Variants in GCNT2 observed in about 807,000 individuals in gnomAD.
The protein encoded by GCNT2 is glucosaminyl (N-acetyl) transferase 2 (I blood group).
In GCNT2, 34 loss-of-function variants were observed where a neutral mutation model predicts 34.2. The ratio of observed to expected loss-of-function variants is 1.00; its 90% CI spans 0.76 to 1.32. The LOEUF is 1.32. Among genes scored for constraint, GCNT2 ranks in the 40% most tolerant of loss-of-function variants. The probability of loss-of-function intolerance (pLI) is 0.00; values close to 1 mark genes in which losing one functional copy is unlikely to be tolerated. For synonymous variants in GCNT2, 212 were observed against 188.0 expected (o/e 1.13, Z -1.04); for missense variants, 584 against 489.4 (o/e 1.19, Z -1.82).
intron 3 of GCNT2, among the ~76,000 whole-genome samples, chr6:10,533,759 C>T (rs12386520): frequency 0.08 from 10,908 of 136,824 alleles, 454 homozygotes; most frequent in Middle Eastern, 0.14. Context: ...TGAGATCATG[C>T]CACTGTACTC....
At chr6:10,605,780 T>A (rs1366570000) in intron 3 of GCNT2, among the ~76,000 whole-genome samples, 1 of 152,040 alleles carries the variant, frequency 6.6e-6, no homozygotes, top group Non-Finnish European at 1.5e-5. Flanking sequence ...GAAAAAAAAA[T>A]CAGTTAAGAT....
chr6:10,538,437 A>AAAT lies in GCNT2; in HGVS notation c.925+8602_925+8603insATA, dbSNP rs1554127249. 2.5e-3 allele frequency among the ~76,000 whole-genome samples: 184 copies of AAAT among 73,288 alleles called. 1 individual carries two copies. The highest frequency in any genetic ancestry group is 3.4e-3 in the Non-Finnish European group (156 of 45,950). The allele number at this position is 73,288 out of a possible 152,430, so 48.1% of individuals were successfully genotyped here. A position where few individuals can be genotyped will look rare whatever the true frequency, so the allele number is the denominator to read the frequency against. On this transcript the variant is annotated intron_variant, in intron 3 of 4. Transcript: ENST00000495262. ...AAAAAAAAAAAAAAAAAAAAAAAAA[A>AAAT]ATATATATATATATATATATGTTGA...
In GCNT2 at chr6:10,626,638, A is replaced by G; in HGVS notation, c.*31A>G. On this transcript the variant is annotated 3_prime_UTR_variant, in exon 5 of 5. Coordinates refer to ENST00000495262, the MANE Select transcript of GCNT2 (RefSeq NM_145649.5). ...TCATGAGCTACTCATGACTGAAGGG[A>G]AACTGCAGCTGGGAAGAGGAGCCTG... 6.5e-7 allele frequency: 1 copy of G among 1,542,346 alleles called. No individual in the cohort carries two copies. The highest frequency in any genetic ancestry group is 1.7e-5 in the Admixed American group (1 of 59,924).
At chr6:10,588,185 A>G (rs951980470) in intron 3 of GCNT2, among the ~76,000 whole-genome samples, 6 of 152,278 alleles carry the variant, frequency 3.9e-5, no homozygotes, top group Middle Eastern at 3.4e-3. Flanking sequence ...CTCATGCGCA[A>G]TTTATTTTCA....
intron 4 of GCNT2, among the ~76,000 whole-genome samples, chr6:10,625,439 T>A (rs980100117): frequency 1.3e-5 from 2 of 152,014 alleles, no homozygotes; most frequent in Non-Finnish European, 2.9e-5. Context: ...TGCAACTTCC[T>A]ACCATTCTTG....
intron 3 of GCNT2, among the ~76,000 whole-genome samples, chr6:10,570,352 G>A (rs778662969): frequency 6.6e-6 from 1 of 152,214 alleles, no homozygotes; most frequent in African/African-American, 2.4e-5. Context: ...GGATGGATGG[G>A]AGTTGGGCTT....
At chr6:10,606,042 C>T (rs1765298175) in intron 3 of GCNT2, among the ~76,000 whole-genome samples, 1 of 152,172 alleles carries the variant, frequency 6.6e-6, no homozygotes, top group Admixed American at 6.6e-5. Context: ...TGGCCAGGTG[C>T]GGTGGCTCAC....
intron 3 of GCNT2, among the ~76,000 whole-genome samples, chr6:10,584,885 ATC>A (rs777532405): frequency 1.3e-5 from 2 of 151,396 alleles, no homozygotes; most frequent in East Asian, 2.0e-4. Context: ...TAACAATCTG[ATC>A]TCTCTTTCTT....
At position 10,529,263 on chromosome 6, in the gene GCNT2, T is replaced by A; in HGVS notation, c.352T>A (p.Tyr118Asn). Residue 118 changes from tyrosine to asparagine, a missense_variant, in exon 3 of 5, where the codon TAT becomes AAT. Tyr to Asn is a moderately radical substitution (Grantham distance 143, BLOSUM62 -2). Coordinates refer to ENST00000495262, the MANE Select transcript of GCNT2 (RefSeq NM_145649.5). ...TTTTGAGAGGCTCTTCAGGGCGATT[T>A]ATATGCCCCAAAATGTCTACTGTGT... ...GTFERLFRAI[Y>N]MPQNVYCVHL... is the part of the protein sequence containing the mutation. 1.2e-6 allele frequency: 2 copies of A among 1,614,152 alleles called. No homozygotes were observed. Among genetic ancestry groups the A allele is most frequent in the Non-Finnish European group, 8.5e-7 (1 of 1,180,004 alleles).
rs778203608 is a variant in GCNT2 at position 10,529,404 on chromosome 6, T to C, written c.493T>C (p.Ser165Pro). Residue 165 changes from serine to proline, a missense_variant, in exon 3 of 5, where the codon TCC (serine) becomes CCC (proline). Physicochemically the swap from Ser to Pro is moderately conservative, Grantham distance 74. Transcript: ENST00000495262. The part of the protein sequence containing the change: ...KKESVVYGGI[S>P]RLQADLNCLE... ...GGAGTCGGTTGTCTATGGGGGGATC[T>C]CCAGGCTCCAGGCTGACCTGAACTG... is the stretch of plus-strand genomic sequence containing the variant. 2 of 1,614,120 alleles carry C rather than the reference T, an allele frequency of 1.2e-6. No individual in the cohort carries two copies. The highest frequency in any genetic ancestry group is 1.7e-6 in the Non-Finnish European group (2 of 1,180,012).
rs117733897 is a variant in GCNT2 at position 10,573,971 on chromosome 6, A to G, written c.925+44135A>G. 8.5e-4 allele frequency among the ~76,000 whole-genome samples: 129 copies of G among 152,362 alleles called. 3 individuals carry two copies. The East Asian group carries it at 0.023, about 27-fold the overall frequency. ...ACCCTGTAAGGTGGTCAGGGTGCTC[A>G]GGGGCCCAGATGAGCCAGGTTTGGC... On this transcript the variant is annotated intron_variant, in intron 3 of 4. Transcript: ENST00000495262.
intron 3 of GCNT2, among the ~76,000 whole-genome samples, chr6:10,579,921 G>A (rs928481347): frequency 2.6e-5 from 4 of 151,476 alleles, no homozygotes; most frequent in African/African-American, 4.8e-5. Flanking sequence ...ACAGCTCTGC[G>A]TTTGTAGTTG....
At chr6:10,579,759 T>A (rs1763979739) in intron 3 of GCNT2, among the ~76,000 whole-genome samples, 1 of 142,738 alleles carries the variant, frequency 7.0e-6, no homozygotes, top group Non-Finnish European at 1.5e-5. Context: ...GAGGTTGCAG[T>A]GAGCTGAGAT....
At chr6:10,610,347 G>A (rs951006615) in intron 3 of GCNT2, among the ~76,000 whole-genome samples, 1 of 152,318 alleles carries the variant, frequency 6.6e-6, no homozygotes, top group East Asian at 1.9e-4. Flanking sequence ...CAGGCTACAT[G>A]TCTGGGAATA....
chr6:10,556,902 G>C, intron 3 of GCNT2: 1 of 1,614,120 alleles, frequency 6.2e-7, no homozygotes, highest in Non-Finnish European at 8.5e-7. Flanking sequence ...GTTGTCTATG[G>C]AGGGATCTCC....
In GCNT2 at chr6:10,528,753, A is replaced by C. The variant is rs1298776176; in HGVS notation, c.-159A>C. ...AGTGAAGAGGGGAAGAAGAAAGAAA[A>C]AGGACCAGAACCGTGAACTGAAGGG... is the stretch of plus-strand genomic sequence containing the variant. On this transcript the variant is annotated 5_prime_UTR_variant, in exon 3 of 5. Transcript: ENST00000495262. 6.0e-6 allele frequency: 4 copies of C among 668,138 alleles called. No homozygotes were observed. Among genetic ancestry groups the C allele is most frequent in the Non-Finnish European group, 1.1e-5 (4 of 376,578 alleles). 41.4% of individuals were successfully genotyped at this position (668,138 alleles called of 1,614,324 possible). A position where few individuals can be genotyped will look rare whatever the true frequency, so the allele number is the denominator to read the frequency against.
At position 10,582,233 on chromosome 6, in the gene GCNT2, T is replaced by A. The variant is rs1178863516; in HGVS notation, c.926-39118T>A. 4.3e-3 allele frequency among the ~76,000 whole-genome samples: 534 copies of A among 124,836 alleles called. 7 individuals carry two copies. The highest frequency in any genetic ancestry group is 0.014 in the African/African-American group (459 of 32,650). The allele number at this position is 124,836 out of a possible 152,430, so 81.9% of individuals were successfully genotyped here. A position where few individuals can be genotyped will look rare whatever the true frequency, so the allele number is the denominator to read the frequency against. The stretch of plus-strand genomic sequence containing the variant: ...TATTATATATATAATTATATATATT[T>A]AAATATATAAAATATATATAATATA... On this transcript the variant is annotated intron_variant, in intron 3 of 4. Coordinates refer to ENST00000495262, the MANE Select transcript of GCNT2 (RefSeq NM_145649.5).
chr6:10,621,274 T>C, intron 3 of GCNT2, 77 bp from the exon 4 acceptor site: 1 of 913,948 alleles, frequency 1.1e-6, no homozygotes, highest in Non-Finnish European at 1.8e-6. Context: ...AAGCCTGACT[T>C]AGAGGCTTAA....
chr6:10,601,471 G>A lies in GCNT2; in HGVS notation c.926-19880G>A, dbSNP rs115203619. 7.1e-3 allele frequency among the ~76,000 whole-genome samples: 1,084 copies of A among 152,202 alleles called. 16 individuals are homozygous for A. Among genetic ancestry groups the A allele is most frequent in the African/African-American group, 0.025 (1,030 of 41,504 alleles). On this transcript the variant is annotated intron_variant, in intron 3 of 4. Transcript: ENST00000495262. ...AATCAGATCATACAAGAGCATCATG[G>A]TGAGCATGCCACAACGCCCCAGTAT...
Sources: allele counts gnomAD v4.1 joint callset (sites outside exome capture counted in the v4.1 genomes callset), GRCh38; gene constraint gnomAD v4.1.1; transcripts MANE v1.5; gene names NCBI Gene and HGNC (gene_info 2026-07-23, HGNC 2026-07-21).